Variants in ANKRD45 observed in about 807,000 individuals in gnomAD.
ANKRD45 encodes ankyrin repeat domain-containing protein 45.
In ANKRD45, 21 loss-of-function variants were observed where a neutral mutation model predicts 28.1. The ratio of observed to expected loss-of-function variants is 0.75; its 90% CI spans 0.53 to 1.08. The LOEUF (loss-of-function observed/expected upper bound fraction) is 1.08, where lower values mean the gene tolerates loss of function less well. ANKRD45 is among the 50% of genes least tolerant of loss of function. ANKRD45 has a pLI of 0.00. For missense variants in ANKRD45, 261 were observed against 308.7 expected (o/e 0.85, Z 1.16); for synonymous variants, 86 against 103.9 (o/e 0.83, Z 1.05).
the ANKRD45 span, among the ~76,000 whole-genome samples, chr1:173,712,001 T>C: frequency 6.6e-6 from 1 of 152,228 alleles, no homozygotes; most frequent in East Asian, 1.9e-4. Flanking sequence ...TTATACCATA[T>C]AGTAACATTT....
chr1:173,713,959 T>C, the ANKRD45 span, among the ~76,000 whole-genome samples: 3 of 152,224 alleles, frequency 2.0e-5, no homozygotes, highest in Non-Finnish European at 2.9e-5. Flanking sequence ...CATCTGTATC[T>C]GGGCAGCAGG....
At chr1:173,673,111 C>CTT (rs201967833), upstream of ANKRD45, among the ~76,000 whole-genome samples, 7 of 138,632 alleles carry the variant, frequency 5.0e-5, no homozygotes, top group Admixed American at 1.4e-4. Flanking sequence ...CATTTCTATA[C>CTT]TTTTTTTTTT....
chr1:173,633,150 C>T (rs1668269066), intron 3 of ANKRD45, among the ~76,000 whole-genome samples: 1 of 151,704 alleles, frequency 6.6e-6, no homozygotes, highest in Non-Finnish European at 1.5e-5. Flanking sequence ...AGTAAAATTA[C>T]AGGATACAAA....
chr1:173,693,914 G>A, the ANKRD45 span, among the ~76,000 whole-genome samples: 2,544 of 152,284 alleles, frequency 0.017, 61 homozygotes, highest in African/African-American at 0.059. Context: ...ATTACTGGAA[G>A]AGCAATCTGG....
chr1:173,663,776 T>G (rs1669887820), intron 1 of ANKRD45, among the ~76,000 whole-genome samples: 1 of 152,218 alleles, frequency 6.6e-6, no homozygotes, highest in South Asian at 2.1e-4. Context: ...ATTTTATATC[T>G]TGTATAAATT....
chr1:173,651,743 C>T (rs1669234001), intron 2 of ANKRD45, among the ~76,000 whole-genome samples: 2 of 152,252 alleles, frequency 1.3e-5, no homozygotes, highest in South Asian at 4.1e-4. Flanking sequence ...AATGTTCTTC[C>T]ATTTCTTTGT....
rs60007196 is a variant in ANKRD45 at position 173,630,818 on chromosome 1, TAAAAAAAAAAAAAAAAA to T, written c.497-3676_497-3660del. Among the ~76,000 whole-genome samples the T allele has an allele frequency of 7.9e-4, 23 of 29,068 alleles. No homozygotes were observed. The Admixed American group carries it at 0.011, about 13-fold the overall frequency. 19.1% of individuals were successfully genotyped at this position (29,068 alleles called of 152,430 possible). A position where few individuals can be genotyped will look rare whatever the true frequency, so the allele number is the denominator to read the frequency against. ...CTGGGTGACAGAGTAAGACTCTGTC[TAAAAAAAAAAAAAAAAA>T]AAAAAAAAAAGAGAGAGAGACACAA... On this transcript the variant is annotated intron_variant, in intron 3 of 5. Coordinates refer to ENST00000333279, the MANE Select transcript of ANKRD45 (RefSeq NM_198493.3).
the ANKRD45 span, among the ~76,000 whole-genome samples, chr1:173,712,502 T>C: frequency 2.0e-5 from 3 of 152,222 alleles, no homozygotes; most frequent in African/African-American, 4.8e-5. Context: ...ACATGCTACA[T>C]AAGTATTTGC....
At chr1:173,710,210 G>C in the ANKRD45 span, among the ~76,000 whole-genome samples, 11 of 152,240 alleles carry the variant, frequency 7.2e-5, no homozygotes, top group East Asian at 1.7e-3. Flanking sequence ...ACACTCCTGT[G>C]GTCCCAGCTA....
intron 3 of ANKRD45, chr1:173,636,732 C>A: frequency 2.3e-6 from 2 of 881,668 alleles, no homozygotes; most frequent in South Asian, 1.9e-5. Context: ...ATATTTAGAA[C>A]ATAAATTTAA....
rs762791997 is a variant in ANKRD45 at position 173,659,183 on chromosome 1, T to C, written c.236A>G (p.Asn79Ser). 1.6e-4 allele frequency: 251 copies of C among 1,613,926 alleles called. No homozygotes were observed. The highest frequency in any genetic ancestry group is 2.1e-4 in the Non-Finnish European group (246 of 1,179,972). ...LLLEEDIVGRNLLYAACMAGQ... is the reference protein window; with the variant it reads ...LLLEEDIVGRSLLYAACMAGQ... ...AGCCATGCAAGCTGCATACAACAAATTTCTCCCAACGATGTCTTCTTCTAA... is the reference window on the plus strand; with the variant it reads ...AGCCATGCAAGCTGCATACAACAAACTTCTCCCAACGATGTCTTCTTCTAA... Residue 79 changes from asparagine to serine, a missense_variant, in exon 2 of 6, where the codon AAT (asparagine) becomes AGT (serine). By Grantham distance (46) the Asn-to-Ser change is conservative. Coordinates refer to ENST00000333279, the MANE Select transcript of ANKRD45 (RefSeq NM_198493.3).
Position 173,659,288 on chromosome 1 carries a change from A to C in ANKRD45, c.131T>G (p.Leu44Arg), listed in dbSNP as rs145934844. The change falls in exon 2 of 6, where the codon CTC becomes CGC. Residue 44 changes from leucine (L) to arginine (R), a missense_variant. Coordinates refer to ENST00000333279, the MANE Select transcript of ANKRD45 (RefSeq NM_198493.3). The stretch of plus-strand genomic sequence containing the variant: ...CTGCAAACCCTCTACATCCCCTGTG[A>C]GAGCAGGTTGTAAAAGGGGGTTCTT... ...GPKNPLLQPA[L>R]TGDVEGLQKI... The C allele has an allele frequency of 1.9e-6, 3 of 1,613,990 alleles. No homozygotes were observed. Among genetic ancestry groups the C allele is most frequent in the African/African-American group, 2.7e-5 (2 of 75,036 alleles).
intron 3 of ANKRD45, among the ~76,000 whole-genome samples, chr1:173,631,672 A>G (rs781763107): frequency 2.0e-5 from 3 of 152,332 alleles, no homozygotes; most frequent in Non-Finnish European, 2.9e-5. Context: ...CTAGAAATCA[A>G]TAACAAGAGG....
At chr1:173,621,007 A>G (rs1667679351) in intron 5 of ANKRD45, among the ~76,000 whole-genome samples, 1 of 152,156 alleles carries the variant, frequency 6.6e-6, no homozygotes, top group South Asian at 2.1e-4. Context: ...CAAAACAACC[A>G]TCAGACAAAC....
upstream of ANKRD45, among the ~76,000 whole-genome samples, chr1:173,674,140 G>C (rs1186695382): frequency 1.3e-5 from 2 of 152,030 alleles, no homozygotes; most frequent in Non-Finnish European, 2.9e-5. Context: ...CTCCCAAATA[G>C]CTGGGACTAC....
the ANKRD45 span, among the ~76,000 whole-genome samples, chr1:173,687,459 C>CA: frequency 1.2e-3 from 123 of 104,770 alleles, no homozygotes; most frequent in Admixed American, 8.1e-3. Context: ...ATTCTACCCC[C>CA]CCCCCACCCC....
the ANKRD45 span, among the ~76,000 whole-genome samples, chr1:173,683,136 CAGTT>C: frequency 0.16 from 24,500 of 151,940 alleles, 2,197 homozygotes; most frequent in Middle Eastern, 0.31. Context: ...CAACAAAAAA[CAGTT>C]AGGCAAAACA....
chr1:173,698,715 C>A, the ANKRD45 span, among the ~76,000 whole-genome samples: 1 of 152,072 alleles, frequency 6.6e-6, no homozygotes, highest in African/African-American at 2.4e-5. Flanking sequence ...CAAGAGAAAG[C>A]AGGAATGATC....
chr1:173,614,678 A>C (rs1172594914), intron 5 of ANKRD45, among the ~76,000 whole-genome samples: 1 of 152,174 alleles, frequency 6.6e-6, no homozygotes, highest in East Asian at 1.9e-4. Context: ...CCCAACACAC[A>C]TGTTCCCAGC....
Sources: allele counts gnomAD v4.1 joint callset (sites outside exome capture counted in the v4.1 genomes callset), GRCh38; gene constraint gnomAD v4.1.1; transcripts MANE v1.5; gene names NCBI Gene and HGNC (gene_info 2026-07-23, HGNC 2026-07-21).